The following NFKB1 variants were observed in gnomAD, a reference collection of about 807,000 sequenced individuals.
NFKB1 encodes nuclear factor kappa B subunit 1, also known as nuclear factor NF-kappa-B p105 subunit.
Under a neutral mutation model 105.1 loss-of-function variants are expected in NFKB1, and 9 were observed. The observed-to-expected ratio is 0.09, with a 90% CI of 0.05 to 0.15. NFKB1 has a LOEUF of 0.15. Ranked by LOEUF, NFKB1 falls within the 10% of genes least tolerant of loss-of-function variation. NFKB1 has a pLI of 1.00. For synonymous variants in NFKB1, 440 were observed against 442.2 expected (o/e 1.00, Z 0.06); for missense variants, 830 against 1,203.7 (o/e 0.69, Z 4.59).
At chr4:102,504,103 T>C (rs927484593) in intron 1 of NFKB1, among the ~76,000 whole-genome samples, 1 of 152,164 alleles carries the variant, frequency 6.6e-6, no homozygotes, top group Admixed American at 6.5e-5. Context: ...TAACCTTCAA[T>C]TGGTTTGAAC....
At chr4:102,551,461 T>C (rs1722603838) in intron 5 of NFKB1, among the ~76,000 whole-genome samples, 1 of 152,138 alleles carries the variant, frequency 6.6e-6, no homozygotes, top group Admixed American at 6.6e-5. Context: ...AGTCTCTCCC[T>C]TCTCTGTTTG....
chr4:102,588,013 A>G (rs1207499532), intron 11 of NFKB1, among the ~76,000 whole-genome samples: 1 of 152,092 alleles, frequency 6.6e-6, no homozygotes, highest in Non-Finnish European at 1.5e-5. Context: ...CTCATTGCCT[A>G]ATTTTATGTT....
intron 7 of NFKB1, chr4:102,578,281 C>T (rs1725030374): frequency 6.6e-6 from 1 of 152,366 alleles, no homozygotes. Context: ...ATTTGTAGCT[C>T]TCTTGTAGTA....
At chr4:102,556,834 C>T (rs1723022067) in intron 5 of NFKB1, among the ~76,000 whole-genome samples, 1 of 152,154 alleles carries the variant, frequency 6.6e-6, no homozygotes, top group South Asian at 2.1e-4. Flanking sequence ...TGGTATCATG[C>T]CCAGCCCATA....
intron 19 of NFKB1, among the ~76,000 whole-genome samples, chr4:102,609,361 C>T (rs1040320417): frequency 1.3e-5 from 2 of 151,906 alleles, no homozygotes; most frequent in African/African-American, 4.8e-5. Context: ...CCTGTAATCC[C>T]AGCACTTTGG....
intron 1 of NFKB1, among the ~76,000 whole-genome samples, chr4:102,520,886 T>C (rs556025051): frequency 2.0e-5 from 3 of 152,268 alleles, no homozygotes; most frequent in Non-Finnish European, 4.4e-5. Context: ...GATGTCAGAG[T>C]CAAACCTTAA....
intron 13 of NFKB1, among the ~76,000 whole-genome samples, chr4:102,595,833 T>G (rs1726565454): frequency 6.6e-6 from 1 of 152,226 alleles, no homozygotes; most frequent in Non-Finnish European, 1.5e-5. Context: ...TTCAAGAACT[T>G]TAAAAATTCA....
chr4:102,591,371 A>C (rs901070636), intron 11 of NFKB1, among the ~76,000 whole-genome samples: 14 of 149,130 alleles, frequency 9.4e-5, no homozygotes, highest in South Asian at 2.1e-4. Context: ...AGTGAGCTAT[A>C]ATTGCACCAC....
chr4:102,583,901 G>A (rs1725510156), intron 10 of NFKB1, among the ~76,000 whole-genome samples: 2 of 151,968 alleles, frequency 1.3e-5, no homozygotes, highest in African/African-American at 4.8e-5. Context: ...AAAAGAATGA[G>A]TACTCTGCGA....
At chr4:102,549,364 T>C (rs1722394540) in intron 5 of NFKB1, among the ~76,000 whole-genome samples, 1 of 148,596 alleles carries the variant, frequency 6.7e-6, no homozygotes, top group Non-Finnish European at 1.5e-5. Flanking sequence ...TATATATTAT[T>C]CTATTAATAT....
chr4:102,526,588 T>C (rs1740929359), intron 2 of NFKB1, among the ~76,000 whole-genome samples: 1 of 152,162 alleles, frequency 6.6e-6, no homozygotes, highest in South Asian at 2.1e-4. Context: ...TTGAAGATCT[T>C]TATATAAGTA....
chr4:102,587,266 C>T (rs1053038843), intron 11 of NFKB1, among the ~76,000 whole-genome samples: 1 of 152,124 alleles, frequency 6.6e-6, no homozygotes, highest in Non-Finnish European at 1.5e-5. Flanking sequence ...AATTTAAACA[C>T]CCTTCTTTAA....
intron 11 of NFKB1, among the ~76,000 whole-genome samples, chr4:102,591,602 A>G (rs940812727): frequency 6.6e-6 from 1 of 152,142 alleles, no homozygotes; most frequent in Non-Finnish European, 1.5e-5. Context: ...ACATCTGTCT[A>G]CAGCATGGTT....
At chr4:102,539,225 A>G (rs1741838465) in intron 5 of NFKB1, among the ~76,000 whole-genome samples, 1 of 130,858 alleles carries the variant, frequency 7.6e-6, no homozygotes, top group East Asian at 2.2e-4. Context: ...CAACAGAGCG[A>G]GACTCTGTCT....
At chr4:102,549,310 C>T (rs1722388186) in intron 5 of NFKB1, among the ~76,000 whole-genome samples, 2 of 150,736 alleles carry the variant, frequency 1.3e-5, no homozygotes, top group South Asian at 4.2e-4. Context: ...TTCTCTTTCT[C>T]CATTTCCTTC....
At chr4:102,552,377 C>T (rs112799281) in intron 5 of NFKB1, among the ~76,000 whole-genome samples, 1 of 152,118 alleles carries the variant, frequency 6.6e-6, no homozygotes, top group African/African-American at 2.4e-5. Context: ...AAGCCCCAGG[C>T]GATAGAGGTT....
intron 5 of NFKB1, among the ~76,000 whole-genome samples, chr4:102,541,636 A>C (rs565041631): frequency 6.6e-6 from 1 of 152,314 alleles, no homozygotes; most frequent in African/African-American, 2.4e-5. Context: ...TGATGCTTTC[A>C]GGTAGGCAGA....
At chr4:102,524,859 G>T (rs1298235017) in intron 1 of NFKB1, among the ~76,000 whole-genome samples, 1 of 152,186 alleles carries the variant, frequency 6.6e-6, no homozygotes, top group Non-Finnish European at 1.5e-5. Context: ...AGGACACGGA[G>T]CTCAGGCAGT....
chr4:102,503,474 G>C (rs978779700), intron 1 of NFKB1: 1 of 152,038 alleles, frequency 6.6e-6, no homozygotes, highest in Non-Finnish European at 1.5e-5. Context: ...TAAACTCTTT[G>C]AGACTTTTTA....
Sources: allele counts gnomAD v4.1 joint callset (sites outside exome capture counted in the v4.1 genomes callset), GRCh38; gene constraint gnomAD v4.1.1; transcripts MANE v1.5; gene names NCBI Gene and HGNC (gene_info 2026-07-23, HGNC 2026-07-21).